Variants in PIEZO2 observed in about 807,000 individuals in gnomAD.
PIEZO2 encodes the protein piezo-type mechanosensitive ion channel component 2.
In PIEZO2, 172 loss-of-function variants were observed where a neutral mutation model predicts 337.3. The observed-to-expected ratio is 0.51, with a 90% CI of 0.45 to 0.58. The LOEUF is 0.58. Ranked by LOEUF, PIEZO2 falls within the 20% of genes least tolerant of loss-of-function variation. PIEZO2 has a pLI of 0.00. For synonymous variants in PIEZO2, 1,251 were observed against 1,228.5 expected, an observed-to-expected ratio of 1.02 and a Z score of -0.38; for missense variants, 3,028 against 3,391.3, an observed-to-expected ratio of 0.89 and a Z score of 2.66.
intron 2 of PIEZO2, among the ~76,000 whole-genome samples, chr18:11,026,738 C>T (rs2036554368): frequency 6.6e-6 from 1 of 152,212 alleles, no homozygotes; most frequent in African/African-American, 2.4e-5. Flanking sequence ...ACTTGATTCC[C>T]TCAGCACCCT....
At position 10,954,580 on chromosome 18, in the gene PIEZO2, T is replaced by C. The variant is rs754676105; in HGVS notation, c.286+24955A>G. 6.6e-6 allele frequency among the ~76,000 whole-genome samples: 1 copy of C among 152,102 alleles called. No individual in the cohort carries two copies. The highest frequency in any genetic ancestry group is 1.5e-5 in the Non-Finnish European group (1 of 68,026). On this transcript the variant is annotated intron_variant, in intron 3 of 55. Transcript: ENST00000674853. This position sits in a 1 kb window ranked among gnomAD's most constrained non-coding sequence, Gnocchi z 4.2. Reference sequence around the variant, plus strand: ...TTTATGTGGGTAAGGGAATCCTTCATAGATGGACAATAATGATGAGAAGAA... The same window carrying C: ...TTTATGTGGGTAAGGGAATCCTTCACAGATGGACAATAATGATGAGAAGAA...
In PIEZO2 at chr18:10,784,454, T is replaced by A. The variant is rs60601607; in HGVS notation, c.2492+330A>T. Reference sequence around the variant, plus strand: ...GAAAAATCCTCTGAATTAGCCAGATTCCCTAAATGTTCTAAAAACATATAA... The same window carrying A: ...GAAAAATCCTCTGAATTAGCCAGATACCCTAAATGTTCTAAAAACATATAA... On this transcript the variant is annotated intron_variant, in intron 17 of 55. Coordinates refer to ENST00000674853, the MANE Select transcript of PIEZO2 (RefSeq NM_001378183.1). The surrounding 1 kb of genome is among the most constrained non-coding windows in gnomAD (Gnocchi z 4.5). 1.0e-2 allele frequency among the ~76,000 whole-genome samples: 1,518 copies of A among 152,274 alleles called. 31 individuals are homozygous for A. Among genetic ancestry groups the A allele is most frequent in the African/African-American group, 0.035 (1,454 of 41,538 alleles).
chr18:11,090,941 G>T (rs2146038513), intron 1 of PIEZO2, among the ~76,000 whole-genome samples: 1 of 151,562 alleles, frequency 6.6e-6, no homozygotes, highest in South Asian at 2.1e-4. Flanking sequence ...AAGTAGATGT[G>T]GGGCACATTG....
Position 10,821,860 on chromosome 18 carries a change from C to A in PIEZO2, c.918-14586G>T, listed in dbSNP as rs751544377. On this transcript the variant is annotated intron_variant, in intron 7 of 55. Transcript: ENST00000674853. This position sits in a 1 kb window ranked among gnomAD's most constrained non-coding sequence, Gnocchi z 4.2. ...AAACTCCTTGTTCTCTTTTTACTTTCTTTTTATATTGTTTGTAAATTTAAA... is the reference window on the plus strand; with the variant it reads ...AAACTCCTTGTTCTCTTTTTACTTTATTTTTATATTGTTTGTAAATTTAAA... 7.2e-5 allele frequency among the ~76,000 whole-genome samples: 11 copies of A among 152,154 alleles called. No homozygotes were observed. Among genetic ancestry groups the A allele is most frequent in the Non-Finnish European group, 1.2e-4 (8 of 68,008 alleles).
At chr18:10,696,580 G>A (rs758781956) in intron 45 of PIEZO2, 41 bp from the exon 46 acceptor site, 2 of 1,608,896 alleles carry the variant, frequency 1.2e-6, no homozygotes, top group Non-Finnish European at 1.7e-6. Flanking sequence ...ACTTGTTTCA[G>A]GAAGGGCAGG....
At position 10,671,511 on chromosome 18, in the gene PIEZO2, T is replaced by A. The variant is rs574546217; in HGVS notation, c.*16A>T. 1 of 1,595,314 alleles carries A rather than the reference T, an allele frequency of 6.3e-7. No individual in the cohort carries two copies. Among genetic ancestry groups the A allele is most frequent in the Non-Finnish European group, 8.5e-7 (1 of 1,170,666 alleles). On this transcript the variant is annotated 3_prime_UTR_variant, in exon 56 of 56. Coordinates refer to ENST00000674853, the MANE Select transcript of PIEZO2 (RefSeq NM_001378183.1). ...ATTCAAATGTTAACATTATTTGCAG[T>A]CTGTGTTCTAAGGTTTCAATTTGTT... is the stretch of plus-strand genomic sequence containing the variant.
intron 1 of PIEZO2, among the ~76,000 whole-genome samples, chr18:11,067,015 G>T (rs762304993): frequency 1.3e-5 from 2 of 152,106 alleles, no homozygotes; most frequent in African/African-American, 2.4e-5. Flanking sequence ...AAAACCTATA[G>T]TAGATACAAA....
At chr18:10,922,325 G>A (rs559483925) in intron 3 of PIEZO2, among the ~76,000 whole-genome samples, 1 of 152,216 alleles carries the variant, frequency 6.6e-6, no homozygotes, top group Non-Finnish European at 1.5e-5. Flanking sequence ...AAGAACCTAT[G>A]TGACTGTCGG....
intron 2 of PIEZO2, among the ~76,000 whole-genome samples, chr18:10,991,501 T>C (rs535534241): frequency 6.6e-6 from 1 of 151,780 alleles, no homozygotes; most frequent in African/African-American, 2.4e-5. Flanking sequence ...TGTTCCTGCG[T>C]TGGTTTGCTG....
intron 40 of PIEZO2, among the ~76,000 whole-genome samples, chr18:10,708,035 G>A (rs2035658267): frequency 6.6e-6 from 1 of 152,138 alleles, no homozygotes; most frequent in African/African-American, 2.4e-5. Flanking sequence ...TTTGTGATAA[G>A]GATTTTTAAA....
intron 4 of PIEZO2, among the ~76,000 whole-genome samples, chr18:10,882,010 C>T (rs2042434231): frequency 6.6e-6 from 1 of 152,200 alleles, no homozygotes; most frequent in African/African-American, 2.4e-5. Context: ...GATGCAGTTT[C>T]TATCACTTTG....
intron 7 of PIEZO2, among the ~76,000 whole-genome samples, chr18:10,810,807 G>A (rs557610615): frequency 8.4e-4 from 128 of 152,264 alleles, no homozygotes; most frequent in African/African-American, 2.9e-3. Context: ...AAATAGGACA[G>A]GCAGAGCTTC....
At position 11,047,202 on chromosome 18, in the gene PIEZO2, C is replaced by T. The variant is rs2037346896; in HGVS notation, c.160+18925G>A. On this transcript the variant is annotated intron_variant, in intron 2 of 55. Coordinates refer to ENST00000674853, the MANE Select transcript of PIEZO2 (RefSeq NM_001378183.1). The surrounding 1 kb of genome is among the most constrained non-coding windows in gnomAD (Gnocchi z 7.2). ...CATGGTACCTCCCACCACTGCTGCC[C>T]TTGCTCTCAGAGAATGGACGCAAAC... is the stretch of plus-strand genomic sequence containing the variant. 6.6e-6 allele frequency among the ~76,000 whole-genome samples: 1 copy of T among 152,204 alleles called. No homozygotes were observed. Among genetic ancestry groups the T allele is most frequent in the Admixed American group, 6.5e-5 (1 of 15,284 alleles).
intron 2 of PIEZO2, among the ~76,000 whole-genome samples, chr18:10,984,379 A>G (rs1024210726): frequency 1.3e-5 from 2 of 152,074 alleles, no homozygotes; most frequent in Non-Finnish European, 2.9e-5. Flanking sequence ...GAGACATTCA[A>G]CCATAAGAAA....
At chr18:10,849,600 G>T (rs748228996) in intron 7 of PIEZO2, among the ~76,000 whole-genome samples, 8 of 152,120 alleles carry the variant, frequency 5.3e-5, no homozygotes, top group Non-Finnish European at 1.0e-4. Context: ...TCCCTGAACC[G>T]TAAACGGGGC....
chr18:11,008,146 G>A (rs1328286078), intron 2 of PIEZO2, among the ~76,000 whole-genome samples: 1 of 152,030 alleles, frequency 6.6e-6, no homozygotes, highest in Non-Finnish European at 1.5e-5. Flanking sequence ...CACTTGGTGG[G>A]CAGCAAATTC....
chr18:10,788,950 G>A (rs1402736653), intron 15 of PIEZO2, 129 bp downstream of exon 15: 26 of 1,093,018 alleles, frequency 2.4e-5, no homozygotes, highest in South Asian at 7.0e-5. Context: ...CTTGGGATAC[G>A]ATGTTTGAAT....
rs1396558309 is a variant in PIEZO2, at chr18:10,770,270, T to C, written c.2824A>G (p.Thr942Ala). 2 of 1,537,586 alleles carry C rather than the reference T, an allele frequency of 1.3e-6. No homozygotes were observed. The highest frequency in any genetic ancestry group is 1.7e-6 in the Non-Finnish European group (2 of 1,147,004). Residue 942 changes from threonine to alanine, a missense_variant, in exon 21 of 56, where the codon ACT becomes GCT. By Grantham distance (58) the Thr-to-Ala change is moderately conservative (BLOSUM62 0). This residue lies in a region of PIEZO2 where 1,925 missense variants were observed against 2,051.9 expected (regional missense o/e 0.94). Transcript: ENST00000674853. The part of the protein sequence containing the change: ...NKWHLVIDRL[T>A]VLFLKFLEYF... ...TCCAGGAATTTTAAGAAGAGCACAG[T>C]GAGGCGGTCAATCACCAGGTGCCAT...
Position 11,070,285 on chromosome 18 carries a change from A to C in PIEZO2, c.65-4063T>G, listed in dbSNP as rs2038292517. Among the ~76,000 whole-genome samples the C allele has an allele frequency of 6.6e-6, 1 of 152,364 alleles. No individual in the cohort carries two copies. Among genetic ancestry groups the C allele is most frequent in the South Asian group, 2.1e-4 (1 of 4,834 alleles). ...TAAATACAGAAAAAGTACAGTAAAA[A>C]TACGGCACTATAATCTTAGGGGACC... On this transcript the variant is annotated intron_variant, in intron 1 of 55. Coordinates refer to ENST00000674853, the MANE Select transcript of PIEZO2 (RefSeq NM_001378183.1). The surrounding 1 kb of genome is among the most constrained non-coding windows in gnomAD (Gnocchi z 4.3).
Sources: allele counts gnomAD v4.1 joint callset (sites outside exome capture counted in the v4.1 genomes callset), GRCh38; gene constraint gnomAD v4.1.1; regional missense constraint gnomAD v4.1.1; non-coding constraint Gnocchi (gnomAD v3.1); transcripts MANE v1.5; gene names NCBI Gene and HGNC (gene_info 2026-07-23, HGNC 2026-07-21).